The following MEGF9 variants were observed in gnomAD, a reference collection of about 807,000 sequenced individuals.
The protein encoded by MEGF9 is multiple EGF like domains 9.
Under a neutral mutation model 46.8 loss-of-function variants are expected in MEGF9, and 6 were observed. That is an observed-to-expected ratio of 0.13 (90% CI 0.07 to 0.25). The LOEUF (loss-of-function observed/expected upper bound fraction) is 0.25, where lower values mean the gene tolerates loss of function less well. Ranked by LOEUF, MEGF9 falls within the 10% of genes least tolerant of loss-of-function variation. The pLI, the probability that MEGF9 is intolerant of heterozygous loss-of-function variation, is 1.00. For missense variants in MEGF9, 683 were observed against 792.4 expected (o/e 0.86, Z 1.66); for synonymous variants, 302 against 330.7 (o/e 0.91, Z 0.94).
At chr9:120,662,243 C>A (rs1307963602) in intron 1 of MEGF9, among the ~76,000 whole-genome samples, 1 of 152,184 alleles carries the variant, frequency 6.6e-6, no homozygotes, top group African/African-American at 2.4e-5. Context: ...TATAGTCAGT[C>A]TAATATCTTC....
At chr9:120,668,079 C>A (rs79162164) in intron 1 of MEGF9, among the ~76,000 whole-genome samples, 1 of 152,072 alleles carries the variant, frequency 6.6e-6, no homozygotes, top group Non-Finnish European at 1.5e-5. Flanking sequence ...TGACTACAGG[C>A]CTGATTTCCT....
chr9:120,701,820 G>A (rs1588000754), intron 1 of MEGF9, among the ~76,000 whole-genome samples: 3 of 152,078 alleles, frequency 2.0e-5, no homozygotes, highest in Admixed American at 2.0e-4. Context: ...CAAGGCGGGC[G>A]GATCACGAGG....
chr9:120,617,463 C>A (rs544117522), intron 3 of MEGF9, among the ~76,000 whole-genome samples: 3 of 152,178 alleles, frequency 2.0e-5, no homozygotes, highest in Non-Finnish European at 4.4e-5. Context: ...TGAAAGAAGG[C>A]CAGTATGGAG....
chr9:120,677,728 T>C (rs2043779518), intron 1 of MEGF9, among the ~76,000 whole-genome samples: 1 of 152,254 alleles, frequency 6.6e-6, no homozygotes, highest in South Asian at 2.1e-4. Flanking sequence ...GGATATGGAC[T>C]ATACTAAGCT....
At chr9:120,637,302 C>T (rs547050946) in intron 2 of MEGF9, among the ~76,000 whole-genome samples, 179 of 152,106 alleles carry the variant, frequency 1.2e-3, no homozygotes, top group Non-Finnish European at 1.5e-3. Flanking sequence ...CCGCAGGGTC[C>T]TCTGCCTAGG....
In MEGF9 at chr9:120,666,456, C is replaced by T. The variant is rs532771974; in HGVS notation, c.602-6881G>A. On this transcript the variant is annotated intron_variant, in intron 1 of 5. Transcript: ENST00000373930. The stretch of plus-strand genomic sequence containing the variant: ...CTGTACTTTGAAAGGCAATGAGTAT[C>T]CCTCTATTTGAATGGCTAAAATACA... Among the ~76,000 whole-genome samples, 48 of 152,250 alleles carry T rather than the reference C, an allele frequency of 3.2e-4. No homozygotes were observed. The Middle Eastern group carries it at 0.014, about 43-fold the overall frequency.
intron 2 of MEGF9, among the ~76,000 whole-genome samples, chr9:120,651,583 C>T (rs895201167): frequency 6.6e-6 from 1 of 151,728 alleles, no homozygotes; most frequent in African/African-American, 2.4e-5. Context: ...AGGATAATGC[C>T]TAGCAAGTAT....
intron 3 of MEGF9, among the ~76,000 whole-genome samples, chr9:120,614,937 ATATATATG>A (rs1384843671): frequency 1.3e-5 from 2 of 151,970 alleles, no homozygotes; most frequent in Admixed American, 1.3e-4. Context: ...ATACATACAT[ATATATATG>A]TATATATGTA....
At chr9:120,675,813 G>C (rs1438611651) in intron 1 of MEGF9, among the ~76,000 whole-genome samples, 1 of 150,682 alleles carries the variant, frequency 6.6e-6, no homozygotes, top group Non-Finnish European at 1.5e-5. Context: ...GCTTGAACCT[G>C]GGAGGCGGAA....
At chr9:120,657,771 T>A (rs2043684102) in intron 2 of MEGF9, among the ~76,000 whole-genome samples, 2 of 152,208 alleles carry the variant, frequency 1.3e-5, no homozygotes, top group Admixed American at 6.5e-5. Flanking sequence ...AGAATCTACA[T>A]GCTACGGTAT....
Position 120,603,330 on chromosome 9 carries a change from C to T in MEGF9, c.*1860G>A, listed in dbSNP as rs1320997580. 1.3e-5 allele frequency: 2 copies of T among 152,196 alleles called. No homozygotes were observed. The highest frequency in any genetic ancestry group is 6.5e-5 in the Admixed American group (1 of 15,272). 9.4% of individuals were successfully genotyped at this position (152,196 alleles called of 1,614,324 possible). On this transcript the variant is annotated 3_prime_UTR_variant, in exon 6 of 6. Transcript: ENST00000373930. ...CAAACTACAAAGGGCTATAGAAAAA[C>T]TAAATAATTTTCATATAATGTAATA...
intron 4 of MEGF9, among the ~76,000 whole-genome samples, chr9:120,609,064 A>G (rs2043433009): frequency 1.4e-5 from 2 of 146,796 alleles, no homozygotes; most frequent in Admixed American, 1.3e-4. Flanking sequence ...AAATCTCTTC[A>G]ATGGTTCCCT....
At chr9:120,659,992 T>C (rs1379423031) in intron 1 of MEGF9, among the ~76,000 whole-genome samples, 2 of 150,608 alleles carry the variant, frequency 1.3e-5, no homozygotes, top group African/African-American at 4.9e-5. Flanking sequence ...TCATACTAGA[T>C]TGTGCCATAG....
intron 3 of MEGF9, among the ~76,000 whole-genome samples, chr9:120,618,593 G>C (rs745383258): frequency 3.4e-4 from 51 of 152,074 alleles, no homozygotes; most frequent in Non-Finnish European, 8.8e-5. Flanking sequence ...ATCATCCTAG[G>C]AAATCTCTCA....
At chr9:120,615,781 C>T (rs865912111) in intron 3 of MEGF9, among the ~76,000 whole-genome samples, 6 of 151,986 alleles carry the variant, frequency 3.9e-5, no homozygotes, top group South Asian at 4.2e-4. Flanking sequence ...TGAGTCCCAG[C>T]TACTCAGGAG....
chr9:120,633,780 G>C (rs990571772), intron 2 of MEGF9, among the ~76,000 whole-genome samples: 10 of 151,988 alleles, frequency 6.6e-5, no homozygotes, highest in Non-Finnish European at 1.3e-4. Flanking sequence ...CCATAGCATG[G>C]TATGGGATGT....
intron 1 of MEGF9, among the ~76,000 whole-genome samples, chr9:120,680,744 C>T (rs896778036): frequency 4.6e-5 from 7 of 152,068 alleles, no homozygotes; most frequent in South Asian, 4.1e-4. Flanking sequence ...CTGGCACTCG[C>T]GCCACAATAC....
In MEGF9 at chr9:120,714,372, C is replaced by A; in HGVS notation, c.-14G>T. The A allele has an allele frequency of 1.5e-6, 2 of 1,308,436 alleles. No individual in the cohort carries two copies. The highest frequency in any genetic ancestry group is 4.1e-5 in the South Asian group (2 of 48,506). 81.1% of individuals were successfully genotyped at this position (1,308,436 alleles called of 1,614,324 possible). A position where few individuals can be genotyped will look rare whatever the true frequency, so the allele number is the denominator to read the frequency against. ...TCCGCCATTCATTCATTCAGCCAGT[C>A]GGTTGGTCAGTCATCTTCTCCTCGT... is the stretch of plus-strand genomic sequence containing the variant. On this transcript the variant is annotated 5_prime_UTR_variant, in exon 1 of 6. Transcript: ENST00000373930.
rs570709260 is a variant in MEGF9 at position 120,602,671 on chromosome 9, T to C, written c.*2519A>G. On this transcript the variant is annotated 3_prime_UTR_variant, in exon 6 of 6. Coordinates refer to ENST00000373930, the MANE Select transcript of MEGF9 (RefSeq NM_001080497.3). ...AATTTCTACATGGTCAAAATCCTCT[T>C]AGACTCCAACAAACCTCCTTTCTCT... 8.5e-5 allele frequency: 13 copies of C among 152,290 alleles called. No homozygotes were observed. Among genetic ancestry groups the C allele is most frequent in the African/African-American group, 3.1e-4 (13 of 41,540 alleles). 9.4% of individuals were successfully genotyped at this position (152,290 alleles called of 1,614,324 possible).
Sources: allele counts gnomAD v4.1 joint callset (sites outside exome capture counted in the v4.1 genomes callset), GRCh38; gene constraint gnomAD v4.1.1; transcripts MANE v1.5; gene names NCBI Gene and HGNC (gene_info 2026-07-23, HGNC 2026-07-21).